GYS1: variants seen among roughly 807,000 people sequenced by gnomAD.
GYS1 encodes the protein glycogen [starch] synthase, muscle.
In GYS1, 60 loss-of-function variants were observed where a neutral mutation model predicts 89.1. That is an observed-to-expected ratio of 0.67 (90% confidence interval 0.55 to 0.84). The LOEUF (loss-of-function observed/expected upper bound fraction) is 0.84. Ranked by LOEUF, GYS1 falls within the 40% of genes least tolerant of loss-of-function variation. The pLI, the probability that GYS1 is intolerant of heterozygous loss-of-function variation, is 0.00. For synonymous variants in GYS1, 366 were observed against 401.7 expected (o/e 0.91, Z 1.06); for missense variants, 888 against 1,003.1 (o/e 0.89, Z 1.55).
At chr19:48,974,047 A>C (rs780973662) in intron 12 of GYS1, among the ~76,000 whole-genome samples, 166 bp downstream of exon 12, 1 of 152,162 alleles carries the variant, frequency 6.6e-6, no homozygotes, top group Non-Finnish European at 1.5e-5. Context: ...TCAATACATG[A>C]GCTATTGTAT....
chr19:48,988,015 G>C (rs1309949358), intron 2 of GYS1, among the ~76,000 whole-genome samples: 2 of 152,286 alleles, frequency 1.3e-5, no homozygotes, highest in Non-Finnish European at 2.9e-5. Context: ...TGTTAGCCAG[G>C]ATGATCTCCA....
In GYS1 at chr19:48,968,483, C is replaced by T; in HGVS notation, c.*805G>A. 2.2e-6 allele frequency: 1 copy of T among 454,562 alleles called. No homozygotes were observed. Among genetic ancestry groups the T allele is most frequent in the South Asian group, 1.6e-5 (1 of 64,484 alleles). The allele number at this position is 454,562 out of a possible 1,614,324, so 28.2% of individuals were successfully genotyped here. ...CAGGTTAGGGGTGGGGGAAGACAGC[C>T]AGCTCTGTCCTCTGCAGGCGGATTC... On this transcript the variant is annotated 3_prime_UTR_variant, in exon 16 of 16. Coordinates refer to ENST00000323798, the MANE Select transcript of GYS1 (RefSeq NM_002103.5).
At chr19:48,978,356 G>C (rs2038694409) in intron 8 of GYS1, 199 bp from the exon 9 acceptor site, 3 of 603,462 alleles carry the variant, frequency 5.0e-6, no homozygotes, top group Admixed American at 4.4e-5. Flanking sequence ...CTCCCGAGTA[G>C]CTGGGATTAC....
At chr19:48,978,545 A>ATTATTG (rs977752101) in intron 8 of GYS1, among the ~76,000 whole-genome samples, 9 of 145,136 alleles carry the variant, frequency 6.2e-5, no homozygotes, top group Non-Finnish European at 9.0e-5. Flanking sequence ...TATTATTATT[A>ATTATTG]TTATTATTGA....
At chr19:48,970,160 T>C (rs1259224659) in intron 14 of GYS1, 7 of 489,268 alleles carry the variant, frequency 1.4e-5, no homozygotes, top group Admixed American at 6.8e-5. Flanking sequence ...TCTTGTTCTG[T>C]TACTCTAGGA....
intron 7 of GYS1, among the ~76,000 whole-genome samples, chr19:48,982,041 A>T (rs2038772396): frequency 6.6e-6 from 1 of 151,844 alleles, no homozygotes; most frequent in African/African-American, 2.4e-5. Flanking sequence ...TACACGTGTG[A>T]GCCACCATGC....
At chr19:48,989,545 T>C (rs2038890970) in intron 2 of GYS1, among the ~76,000 whole-genome samples, 2 of 150,322 alleles carry the variant, frequency 1.3e-5, no homozygotes, top group South Asian at 4.2e-4. Context: ...CACCTCAGCC[T>C]CCTGAGTAAC....
intron 8 of GYS1, among the ~76,000 whole-genome samples, chr19:48,980,975 G>A (rs1288818814): frequency 6.6e-6 from 1 of 152,076 alleles, no homozygotes; most frequent in East Asian, 1.9e-4. Flanking sequence ...TTAGCCAGGT[G>A]TGGTGGCACA....
intron 4 of GYS1, 25 bp downstream of exon 4, chr19:48,985,825 C>T: frequency 1.9e-6 from 3 of 1,611,080 alleles, no homozygotes; most frequent in African/African-American, 1.3e-5. Flanking sequence ...CTCGCAGTCC[C>T]CCATCTGCCA....
chr19:48,986,186 C>T lies in GYS1; in HGVS notation c.493-151G>A, dbSNP rs1344136251. On this transcript the variant is annotated intron_variant, in intron 3 of 15. Coordinates refer to ENST00000323798, the MANE Select transcript of GYS1 (RefSeq NM_002103.5). ...GCCCACTGCAGCAATCCCAACCGGA[C>T]AGGGACCTGTAAATCCCTGAGGCAG... 4 of 736,764 alleles carry T rather than the reference C, an allele frequency of 5.4e-6. No homozygotes were observed. In the Admixed American group the frequency reaches 6.1e-5, roughly 11 times the overall value. The allele number at this position is 736,764 out of a possible 1,614,324, so 45.6% of individuals were successfully genotyped here.
intron 10 of GYS1, among the ~76,000 whole-genome samples, chr19:48,975,836 C>T (rs750669951): frequency 2.9e-5 from 4 of 138,020 alleles, no homozygotes; most frequent in African/African-American, 8.3e-5. Context: ...GGCATGAATC[C>T]GGGAGGCGGA....
At chr19:48,990,270 G>A (rs1019411852) in intron 2 of GYS1, among the ~76,000 whole-genome samples, 4 of 151,676 alleles carry the variant, frequency 2.6e-5, no homozygotes, top group Admixed American at 1.3e-4. Flanking sequence ...GGACAACAGC[G>A]TGTCTCTTTC....
chr19:48,975,881 C>G (rs2038639143), intron 10 of GYS1, among the ~76,000 whole-genome samples: 1 of 134,780 alleles, frequency 7.4e-6, no homozygotes, highest in Non-Finnish European at 1.5e-5. Context: ...CACTGCACTC[C>G]AGCCTGGGCG....
chr19:48,979,323 TCTTTTTTCTTTTC>T, intron 8 of GYS1, among the ~76,000 whole-genome samples: 1 of 123,284 alleles, frequency 8.1e-6, no homozygotes, highest in Non-Finnish European at 1.8e-5. Context: ...TGTCTCTTTT[TCTTTTTTCTTTTC>T]TTTTTTTTTT....
At chr19:48,984,601 G>A (rs1246577775) in intron 5 of GYS1, among the ~76,000 whole-genome samples, 1 of 152,078 alleles carries the variant, frequency 6.6e-6, no homozygotes, top group East Asian at 1.9e-4. Context: ...TCGCCATGTT[G>A]GCCAGGCTGG....
chr19:48,969,312 G>A lies in GYS1; in HGVS notation c.2190C>T (p.Ser730=). The part of the protein sequence containing the change: ...STPSEPLSPT[S]SLGEERN ...CTTAGTTACGCTCCTCGCCCAGGGA[G>A]CTGGTGGGGCTGAGGGGCTCGCTCG... The change falls in exon 16 of 16, where the codon AGC becomes AGT. Residue 730 remains serine (S), a synonymous_variant. Coordinates refer to ENST00000323798, the MANE Select transcript of GYS1 (RefSeq NM_002103.5). The A allele has an allele frequency of 6.3e-7, 1 of 1,575,694 alleles. No individual in the cohort carries two copies.
At position 48,991,393 on chromosome 19, in the gene GYS1, T is replaced by G; in HGVS notation, c.209A>C (p.Glu70Ala). The G allele has an allele frequency of 6.2e-7, 1 of 1,614,104 alleles. No homozygotes were observed. The highest frequency in any genetic ancestry group is 8.5e-7 in the Non-Finnish European group (1 of 1,180,032). Residue 70 changes from glutamate (E) to alanine (A), a missense_variant, in exon 2 of 16, where the codon GAG becomes GCG. By Grantham distance (107) the Glu-to-Ala change is moderately radical (BLOSUM62 -1). Transcript: ENST00000323798. This position sits in a 1 kb window ranked among gnomAD's most constrained non-coding sequence, Gnocchi z 4.7. Reference protein sequence around the residue: ...DNYFLVGPYTEQGVRTQVELL... With the variant: ...DNYFLVGPYTAQGVRTQVELL... ...TTCCACCTGGGTCCTCACGCCCTGC[T>G]CCGTGTACGGCCCCACCAGGAAGTA...
rs137868072 is a variant in GYS1, at chr19:48,979,482, G to A, written c.1170-1325C>T. ...CTCCTGAGTAGCTGCAATTACAAGC[G>A]TGCGCCACCACATCTGGCTAATTTT... On this transcript the variant is annotated intron_variant, in intron 8 of 15. Coordinates refer to ENST00000323798, the MANE Select transcript of GYS1 (RefSeq NM_002103.5). 1.5e-4 allele frequency among the ~76,000 whole-genome samples: 23 copies of A among 149,144 alleles called. No homozygotes were observed. In the East Asian group the frequency reaches 3.3e-3, roughly 22 times the overall value.
intron 5 of GYS1, among the ~76,000 whole-genome samples, chr19:48,984,405 T>A (rs1036670582): frequency 5.3e-5 from 8 of 150,924 alleles, no homozygotes; most frequent in Non-Finnish European, 1.0e-4. Context: ...TTTTTTTTTT[T>A]AATTTTTTGA....
Sources: gnomAD v4.1 joint callset for allele counts (sites outside exome capture counted in the v4.1 genomes callset) on GRCh38, gnomAD v4.1.1 for gene constraint, Gnocchi (gnomAD v3.1) non-coding constraint, MANE v1.5 for transcripts, NCBI Gene and HGNC (gene_info 2026-07-23, HGNC 2026-07-21) for gene names.